XIST: variants seen among roughly 807,000 people sequenced by gnomAD.
XIST encodes the protein X inactive specific transcript (non-protein coding).
exon 6 of XIST, chrX:73,827,568 G>GA (rs1023532712): frequency 9.2e-6 from 5 of 542,251 alleles, no homozygotes; most frequent in Non-Finnish European, 1.7e-5. Context: ...ATAAAAAGTA[G>GA]AAACAGCAGA....
rs1383398076 is a variant in XIST at position 73,822,016 on chromosome X, G to A, written n.17885C>T. ...ATTGTTTCTGAAAGAGATCTATTTAGGCAGTGTATGTATGTGTCAGCATGT... is the reference window on the plus strand; with the variant it reads ...ATTGTTTCTGAAAGAGATCTATTTAAGCAGTGTATGTATGTGTCAGCATGT... On this transcript the variant is annotated non_coding_transcript_exon_variant, in exon 6 of 6. Coordinates refer to ENST00000429829, the Ensembl canonical transcript of XIST. 5.4e-6 allele frequency: 3 copies of A among 556,837 alleles called. No individual in the cohort carries two copies. In the African/African-American group the frequency reaches 6.7e-5, roughly 12 times the overall value. 45.9% of individuals were successfully genotyped at this position (556,837 alleles called of 1,213,427 possible). A position where few individuals can be genotyped will look rare whatever the true frequency, so the allele number is the denominator to read the frequency against.
intron 2 of XIST, among the ~76,000 whole-genome samples, chrX:73,833,932 C>G (rs1312301079): frequency 9.0e-6 from 1 of 111,402 alleles, no homozygotes; most frequent in Non-Finnish European, 1.9e-5. Context: ...ATTACTGTAT[C>G]ATGAGGAAAC....
exon 1 of XIST, chrX:73,852,504 ATACT>A: frequency 1.8e-6 from 1 of 543,371 alleles, no homozygotes; most frequent in Non-Finnish European, 3.3e-6. Context: ...AATATTCCAA[ATACT>A]TTCTTTAAAA....
exon 1 of XIST, chrX:73,848,235 G>A: frequency 1.8e-6 from 1 of 556,596 alleles, no homozygotes. Flanking sequence ...AAGACAAAAG[G>A]AATATGAGGG....
exon 6 of XIST, chrX:73,822,043 AAAAGT>A (rs760268386): frequency 2.3e-5 from 13 of 556,924 alleles, no homozygotes; most frequent in Non-Finnish European, 3.9e-5. Flanking sequence ...TCAGCATGTA[AAAAGT>A]AAAGAACTGA....
exon 1 of XIST, chrX:73,846,158 A>C (rs1377161590): frequency 1.8e-6 from 1 of 554,699 alleles, no homozygotes; most frequent in Non-Finnish European, 3.2e-6. Flanking sequence ...AACCGGGACA[A>C]ACATAATCAC....
intron 3 of XIST, among the ~76,000 whole-genome samples, chrX:73,832,061 G>A (rs1322521149): frequency 1.8e-5 from 2 of 112,343 alleles, no homozygotes; most frequent in Non-Finnish European, 1.9e-5. Flanking sequence ...CTGGCCAGGC[G>A]TGGTGGCTCA....
exon 1 of XIST, chrX:73,842,927 G>A (rs1243248454): frequency 3.6e-6 from 2 of 558,904 alleles, no homozygotes; most frequent in Non-Finnish European, 6.5e-6. Flanking sequence ...GGGGCAGAGA[G>A]AGGGAAGACT....
rs191884965 is a variant in XIST at position 73,826,939 on chromosome X, C to A, written n.12962G>T. Reference sequence around the variant, plus strand: ...CTCAAGCCTTGAGACTTCCATCCAACTCAGGCCTTCGGTCCAATTCAGGCC... The same window carrying A: ...CTCAAGCCTTGAGACTTCCATCCAAATCAGGCCTTCGGTCCAATTCAGGCC... On this transcript the variant is annotated non_coding_transcript_exon_variant, in exon 6 of 6. Coordinates refer to ENST00000429829, the Ensembl canonical transcript of XIST. The A allele has an allele frequency of 2.6e-3, 1,474 of 556,875 alleles. 1 individual carries two copies. The highest frequency in any genetic ancestry group is 3.9e-3 in the Non-Finnish European group (1,198 of 309,062). The allele number at this position is 556,875 out of a possible 1,213,427, so 45.9% of individuals were successfully genotyped here. A position where few individuals can be genotyped will look rare whatever the true frequency, so the allele number is the denominator to read the frequency against.
chrX:73,829,915 G>A (rs1457884299), intron 4 of XIST, among the ~76,000 whole-genome samples: 1 of 109,837 alleles, frequency 9.1e-6, no homozygotes. Context: ...AAAAACATAA[G>A]GTCTTCCCAA....
At chrX:73,841,786 TAATA>T in exon 1 of XIST, 1 of 495,597 alleles carries the variant, frequency 2.0e-6, no homozygotes, top group Non-Finnish European at 3.6e-6. Flanking sequence ...TCATTTTATA[TAATA>T]ATTAATAAAA....
chrX:73,831,438 ACTTAGC>A, intron 3 of XIST: 1 of 335,784 alleles, frequency 3.0e-6, no homozygotes, highest in African/African-American at 2.8e-5. Flanking sequence ...CTGGCTACCA[ACTTAGC>A]AAAAAAAAAA....
chrX:73,847,519 C>G (rs182944179), exon 1 of XIST: 2 of 511,177 alleles, frequency 3.9e-6, no homozygotes, highest in Non-Finnish European at 7.0e-6. Flanking sequence ...CACACCCGGC[C>G]TCAGGGCAAT....
At chrX:73,831,124 T>A (rs1244694968) in exon 4 of XIST, 3 of 558,381 alleles carry the variant, frequency 5.4e-6, no homozygotes, top group Non-Finnish European at 6.5e-6. Flanking sequence ...CAGGAAAGTA[T>A]CTTGACAGAA....
At chrX:73,835,733 T>C (rs1922471923) in intron 2 of XIST, among the ~76,000 whole-genome samples, 1 of 112,013 alleles carries the variant, frequency 8.9e-6, no homozygotes, top group South Asian at 3.7e-4. Flanking sequence ...GCAGTGATTA[T>C]GTAGGTGCAC....
exon 1 of XIST, chrX:73,848,154 G>A (rs776868287): frequency 5.4e-6 from 3 of 556,467 alleles, no homozygotes; most frequent in Non-Finnish European, 9.7e-6. Context: ...TGAGCAGTTG[G>A]GATCTTAATT....
exon 1 of XIST, chrX:73,851,151 A>G (rs1300980848): frequency 1.8e-6 from 1 of 558,130 alleles, no homozygotes; most frequent in Non-Finnish European, 3.2e-6. Flanking sequence ...GCAGCAATCC[A>G]GCACTGTCCA....
chrX:73,830,779 G>A (rs974586852), intron 4 of XIST, among the ~76,000 whole-genome samples: 3 of 111,762 alleles, frequency 2.7e-5, no homozygotes, highest in African/African-American at 9.8e-5. Context: ...TGTGACAGTT[G>A]TCCATGTTCT....
chrX:73,847,945 AT>A (rs748324463), exon 1 of XIST: 744 of 557,682 alleles, frequency 1.3e-3, no homozygotes, highest in Non-Finnish European at 2.0e-3. Flanking sequence ...TCTGAAAGAC[AT>A]TGTTGTGATC....
Sources: allele counts gnomAD v4.1 joint callset (sites outside exome capture counted in the v4.1 genomes callset), GRCh38; gene constraint gnomAD v4.1.1; transcripts MANE v1.5; gene names NCBI Gene and HGNC (gene_info 2026-07-23, HGNC 2026-07-21).